The following CYP11A1 variants were observed in gnomAD, a reference collection of about 807,000 sequenced individuals.
The protein encoded by CYP11A1 is cholesterol side-chain cleavage enzyme, mitochondrial.
CYP11A1 carries 25 observed loss-of-function variants against 51.9 expected under a neutral mutation model. The ratio of observed to expected loss-of-function variants is 0.48; its 90% CI spans 0.35 to 0.67. CYP11A1 has a LOEUF of 0.67. Ranked by LOEUF, CYP11A1 falls within the 30% of genes least tolerant of loss-of-function variation. The pLI, the probability that CYP11A1 is intolerant of heterozygous loss-of-function variation, is 0.00. For missense variants in CYP11A1, 578 were observed against 680.9 expected, an observed-to-expected ratio of 0.85 and a Z score of 1.68; for synonymous variants, 245 against 262.1, an observed-to-expected ratio of 0.93 and a Z score of 0.63.
chr15:74,343,052 G>A lies in CYP11A1; in HGVS notation c.915C>T (p.Leu305=). 6.2e-7 allele frequency: 1 copy of A among 1,613,730 alleles called. No individual in the cohort carries two copies. Among genetic ancestry groups the A allele is most frequent in the Non-Finnish European group, 8.5e-7 (1 of 1,180,036 alleles). The change falls in exon 5 of 9, where the codon CTC becomes CTT. Residue 305 remains leucine, a synonymous_variant. Coordinates refer to ENST00000268053, the MANE Select transcript of CYP11A1 (RefSeq NM_000781.3). ...CGAAGGACATCTTGCTGTCTCCCAG[G>A]AGTCTGTAGAGGATGCCACGGTAAT... ...HHDYRGILYR[L]LGDSKMSFED... is the part of the protein sequence containing the mutation.
chr15:74,366,030 G>A, intron 1 of CYP11A1: 1 of 985,982 alleles, frequency 1.0e-6, no homozygotes, highest in Non-Finnish European at 1.2e-6. Context: ...ACCTCGCCCT[G>A]AGGTAAACGC....
At chr15:74,339,121 T>TA (rs1332911395) in intron 7 of CYP11A1, 116 bp downstream of exon 7, 16 of 869,374 alleles carry the variant, frequency 1.8e-5, no homozygotes, top group Non-Finnish European at 3.1e-5. Context: ...CATTCAGACT[T>TA]AGACTGCTGC....
chr15:74,355,127 G>A (rs1430725929), intron 1 of CYP11A1, among the ~76,000 whole-genome samples: 1 of 133,756 alleles, frequency 7.5e-6, no homozygotes, highest in Non-Finnish European at 1.6e-5. Context: ...CTTTTCTCTG[G>A]GCTTACCTCC....
chr15:74,350,541 G>A (rs1290868551), intron 1 of CYP11A1, among the ~76,000 whole-genome samples: 1 of 152,170 alleles, frequency 6.6e-6, no homozygotes, highest in East Asian at 1.9e-4. Flanking sequence ...TCAGATGGAA[G>A]TGACTCAGAA....
chr15:74,343,208 T>G (rs906380277), intron 4 of CYP11A1, 71 bp from the exon 5 acceptor site: 33 of 1,545,978 alleles, frequency 2.1e-5, no homozygotes, highest in Non-Finnish European at 2.7e-5. Flanking sequence ...CAGTCTGTGG[T>G]GAAAGGTGGC....
Position 74,343,880 on chromosome 15 carries a change from G to C in CYP11A1, c.738C>G (p.Pro246=). The change falls in exon 4 of 9, where the codon CCC becomes CCG. Residue 246 remains proline, a synonymous_variant. Coordinates refer to ENST00000268053, the MANE Select transcript of CYP11A1 (RefSeq NM_000781.3). ...ACAGGTCTGGGGGAAGGTTGAGCAT[G>C]GGGACGCTGGTGTGGAACATCTGGT... ...AIYQMFHTSV[P]MLNLPPDLFR... 6.2e-7 allele frequency: 1 copy of C among 1,614,034 alleles called. No individual in the cohort carries two copies. The highest frequency in any genetic ancestry group is 8.5e-7 in the Non-Finnish European group (1 of 1,180,036).
At chr15:74,350,424 C>G (rs2060650839) in intron 1 of CYP11A1, among the ~76,000 whole-genome samples, 1 of 152,220 alleles carries the variant, frequency 6.6e-6, no homozygotes, top group African/African-American at 2.4e-5. Context: ...GCTTTGCTCT[C>G]ATGAGTTGTG....
Position 74,347,885 on chromosome 15 carries a change from T to G in CYP11A1, c.425+15A>C, listed in dbSNP as rs1469065176. 6.2e-7 allele frequency: 1 copy of G among 1,613,850 alleles called. No homozygotes were observed. The highest frequency in any genetic ancestry group is 2.2e-5 in the East Asian group (1 of 44,884). Reference sequence around the variant, plus strand: ...CCACCTCCCTCCAGTCCCTGGGAGATGGCCCAGGACTCACTTCAACAGGAC... The same window carrying G: ...CCACCTCCCTCCAGTCCCTGGGAGAGGGCCCAGGACTCACTTCAACAGGAC... On this transcript the variant is annotated intron_variant, in intron 2 of 8. Coordinates refer to ENST00000268053, the MANE Select transcript of CYP11A1 (RefSeq NM_000781.3).
intron 1 of CYP11A1, among the ~76,000 whole-genome samples, chr15:74,352,294 G>C (rs1417200984): frequency 8.7e-6 from 1 of 115,018 alleles, no homozygotes; most frequent in Non-Finnish European, 1.7e-5. Flanking sequence ...TTTTGAGACA[G>C]AGTCTCACTC....
In CYP11A1 at chr15:74,343,961, C is replaced by T. The variant is rs775028233; in HGVS notation, c.657G>A (p.Gln219=). The T allele has an allele frequency of 6.2e-7, 1 of 1,614,026 alleles. No homozygotes were observed. The highest frequency in any genetic ancestry group is 1.3e-5 in the African/African-American group (1 of 74,918). The part of the protein sequence containing the change: ...SITNVIFGER[Q]GMLEEVVNPE... ...GGTTCACTACTTCCTCCAGCATCCC[C>T]TGGCGCTCCCCAAAAATGACGTTAG... is the stretch of plus-strand genomic sequence containing the variant. The change falls in exon 4 of 9, where the codon CAG becomes CAA. Residue 219 remains glutamine (Q), a synonymous_variant. Transcript: ENST00000268053.
At position 74,339,293 on chromosome 15, in the gene CYP11A1, G is replaced by A. The variant is rs1228425704; in HGVS notation, c.1180C>T (p.Leu394=). Residue 394 remains leucine (L), a synonymous_variant, in exon 7 of 9, where the codon CTG becomes TTG. Coordinates refer to ENST00000268053, the MANE Select transcript of CYP11A1 (RefSeq NM_000781.3). The part of the protein sequence containing the change: ...TLRLHPISVT[L]QRYLVNDLVL... ...AAGTCATTTACAAGATATCTCTGCA[G>A]GGTCACGGAGATGGGGTGAAGTCTG... 4.3e-6 allele frequency: 7 copies of A among 1,614,092 alleles called. No homozygotes were observed. In the Admixed American group the frequency reaches 1.2e-4, roughly 27 times the overall value.
At chr15:74,351,135 C>A (rs1378246217) in intron 1 of CYP11A1, among the ~76,000 whole-genome samples, 3 of 152,130 alleles carry the variant, frequency 2.0e-5, no homozygotes, top group Non-Finnish European at 2.9e-5. Context: ...TGCCACCGCC[C>A]GGTTCGCTTA....
chr15:74,364,946 G>C (rs920265151), intron 1 of CYP11A1, among the ~76,000 whole-genome samples: 1 of 152,134 alleles, frequency 6.6e-6, no homozygotes, highest in Non-Finnish European at 1.5e-5. Context: ...AAAAGGGGCA[G>C]TTTGGACTTT....
At chr15:74,342,418 TC>T (rs2060611275) in intron 5 of CYP11A1, among the ~76,000 whole-genome samples, 1 of 152,170 alleles carries the variant, frequency 6.6e-6, no homozygotes, top group Non-Finnish European at 1.5e-5. Flanking sequence ...GAAAGAAGTT[TC>T]TAGGGTGCCA....
chr15:74,365,527 T>A lies in CYP11A1; in HGVS notation c.269+1790A>T, dbSNP rs1381624323. ...CAAGGTGTGCGGAGGGTAACGGATG[T>A]AGGGAGGCATTTAGTAGGGCTTGTT... is the stretch of plus-strand genomic sequence containing the variant. On this transcript the variant is annotated intron_variant, in intron 1 of 8. Coordinates refer to ENST00000268053, the MANE Select transcript of CYP11A1 (RefSeq NM_000781.3). 5 of 285,726 alleles carry A rather than the reference T, an allele frequency of 1.7e-5. No homozygotes were observed. In the Admixed American group the frequency reaches 3.2e-4, roughly 19 times the overall value. The allele number at this position is 285,726 out of a possible 1,614,324, so 17.7% of individuals were successfully genotyped here. A position where few individuals can be genotyped will look rare whatever the true frequency, so the allele number is the denominator to read the frequency against.
chr15:74,346,800 CTTTTTTT>C (rs1046360822), intron 2 of CYP11A1, among the ~76,000 whole-genome samples: 1 of 131,766 alleles, frequency 7.6e-6, no homozygotes, highest in African/African-American at 2.8e-5. Flanking sequence ...CTTTTCTTTT[CTTTTTTT>C]TTTTTTTTTT....
intron 4 of CYP11A1, 112 bp from the exon 5 acceptor site, chr15:74,343,249 G>A: frequency 2.8e-6 from 3 of 1,067,680 alleles, no homozygotes; most frequent in Non-Finnish European, 4.3e-6. Flanking sequence ...GGAGCCCTGT[G>A]CTTCTTAGGC....
chr15:74,344,291 T>C lies in CYP11A1; in HGVS notation c.626-299A>G, dbSNP rs576379849. 1.3e-4 allele frequency among the ~76,000 whole-genome samples: 20 copies of C among 152,344 alleles called. No individual in the cohort carries two copies. The East Asian group carries it at 1.5e-3, about 12-fold the overall frequency. On this transcript the variant is annotated intron_variant, in intron 3 of 8. Transcript: ENST00000268053. Reference sequence around the variant, plus strand: ...GGCCTAGCCCAGGATGCAACTGCTCTGCCCAGGCTTCCACCAAGAGAGATT... The same window carrying C: ...GGCCTAGCCCAGGATGCAACTGCTCCGCCCAGGCTTCCACCAAGAGAGATT...
In CYP11A1 at chr15:74,367,469, G is replaced by A; in HGVS notation, c.117C>T (p.Gly39=). The A allele has an allele frequency of 1.9e-6, 3 of 1,614,234 alleles. No homozygotes were observed. Among genetic ancestry groups the A allele is most frequent in the Non-Finnish European group, 2.5e-6 (3 of 1,180,042 alleles). The change falls in exon 1 of 9, where the codon GGC becomes GGT. Residue 39 remains glycine, a synonymous_variant. Coordinates refer to ENST00000268053, the MANE Select transcript of CYP11A1 (RefSeq NM_000781.3). ...RLRVPTGEGA[G]ISTRSPRPFN... is the part of the protein sequence containing the mutation. ...AGGGGCGAGGACTGCGGGTGGAGATGCCAGCTCCCTCGCCAGTGGGCACCC... is the reference window on the plus strand; with the variant it reads ...AGGGGCGAGGACTGCGGGTGGAGATACCAGCTCCCTCGCCAGTGGGCACCC...
Sources: allele counts gnomAD v4.1 joint callset (sites outside exome capture counted in the v4.1 genomes callset), GRCh38; gene constraint gnomAD v4.1.1; transcripts MANE v1.5; gene names NCBI Gene and HGNC (gene_info 2026-07-23, HGNC 2026-07-21).